Variants in ARHGAP39 observed in about 807,000 individuals in gnomAD.
ARHGAP39 encodes the protein Rho GTPase activating protein 39, also known as rho GTPase-activating protein 39.
In ARHGAP39, 44 loss-of-function variants were observed where a neutral mutation model predicts 106.9. The observed-to-expected ratio is 0.41, with a 90% CI of 0.32 to 0.53. The LOEUF is 0.53. ARHGAP39 is among the 20% of genes least tolerant of loss of function. The pLI is 0.21. For missense variants in ARHGAP39, 1,496 were observed against 1,577.3 expected (o/e 0.95, Z 0.87); for synonymous variants, 768 against 693.2 (o/e 1.11, Z -1.69).
intron 3 of ARHGAP39, among the ~76,000 whole-genome samples, chr8:144,559,321 G>A (rs1818057463): frequency 7.8e-6 from 1 of 128,956 alleles, no homozygotes; most frequent in South Asian, 2.6e-4. Flanking sequence ...AGCCGAGATC[G>A]TGCAAGCCCG....
At chr8:144,618,853 C>A (rs913659555) in intron 1 of ARHGAP39, among the ~76,000 whole-genome samples, 1 of 152,252 alleles carries the variant, frequency 6.6e-6, no homozygotes, top group African/African-American at 2.4e-5. Flanking sequence ...TGAGCAGGAC[C>A]GCGGGCGCAC....
At chr8:144,630,529 C>T (rs1378586083) in intron 1 of ARHGAP39, among the ~76,000 whole-genome samples, 3 of 152,236 alleles carry the variant, frequency 2.0e-5, no homozygotes, top group African/African-American at 7.2e-5. Context: ...CATGGTGTCC[C>T]CTCTGTCCTT....
chr8:144,594,412 C>T lies in ARHGAP39; in HGVS notation c.80+11123G>A, dbSNP rs1185801506. On this transcript the variant is annotated intron_variant, in intron 2 of 11. Transcript: ENST00000377307. ...TGGTTCCTCAAAAAATCAAACATAC[C>T]GGCCAGGCGCAGTGGCTCATGCCTG... 1.3e-5 allele frequency among the ~76,000 whole-genome samples: 2 copies of T among 152,018 alleles called. 1 individual carries two copies. The highest frequency in any genetic ancestry group is 4.8e-5 in the African/African-American group (2 of 41,386).
At chr8:144,573,545 T>C (rs1297685416) in intron 3 of ARHGAP39, among the ~76,000 whole-genome samples, 4 of 152,160 alleles carry the variant, frequency 2.6e-5, no homozygotes, top group African/African-American at 9.7e-5. Flanking sequence ...ACATGGCACA[T>C]GTATACCTAT....
chr8:144,600,358 ATG>A (rs1819816389), intron 2 of ARHGAP39, among the ~76,000 whole-genome samples: 2 of 94,906 alleles, frequency 2.1e-5, no homozygotes, highest in Non-Finnish European at 4.3e-5. Flanking sequence ...GCGTGGAGGC[ATG>A]CGTGCACACT....
At chr8:144,655,597 A>G (rs1035107748) in intron 1 of ARHGAP39, among the ~76,000 whole-genome samples, 1 of 152,084 alleles carries the variant, frequency 6.6e-6, no homozygotes, top group African/African-American at 2.4e-5. Context: ...CTCTGCTGAA[A>G]ACTGCAGAGA....
intron 1 of ARHGAP39, among the ~76,000 whole-genome samples, chr8:144,676,085 C>T (rs913269856): frequency 6.6e-6 from 1 of 152,158 alleles, no homozygotes; most frequent in Non-Finnish European, 1.5e-5. Flanking sequence ...AGAGTGAGCA[C>T]CAGCAAGATT....
intron 3 of ARHGAP39, among the ~76,000 whole-genome samples, chr8:144,563,591 A>T (rs1818284713): frequency 6.6e-6 from 1 of 151,974 alleles, no homozygotes; most frequent in Non-Finnish European, 1.5e-5. Flanking sequence ...GTTCAAGACC[A>T]GCCTGGAAAG....
At chr8:144,561,622 TCGGACCCCAG>T (rs1253448368) in intron 3 of ARHGAP39, among the ~76,000 whole-genome samples, 65 of 148,708 alleles carry the variant, frequency 4.4e-4, no homozygotes, top group South Asian at 1.9e-3. Flanking sequence ...GTGGTTTCCA[TCGGACCCCAG>T]TGGTTTCCAT....
intron 2 of ARHGAP39, among the ~76,000 whole-genome samples, chr8:144,587,608 G>A (rs1277810007): frequency 6.6e-6 from 1 of 152,048 alleles, no homozygotes; most frequent in African/African-American, 2.4e-5. Flanking sequence ...AGCGGGCAGG[G>A]AAAGGCCTGC....
chr8:144,596,298 C>A lies in ARHGAP39; in HGVS notation c.80+9237G>T, dbSNP rs569648291. Among the ~76,000 whole-genome samples, 112 of 150,670 alleles carry A rather than the reference C, an allele frequency of 7.4e-4. 3 individuals are homozygous for A. Among genetic ancestry groups the A allele is most frequent in the South Asian group, 5.1e-3 (24 of 4,722 alleles). On this transcript the variant is annotated intron_variant, in intron 2 of 11. Transcript: ENST00000377307. ...GGCCTCGCCACCCCGGCACTCTCCA[C>A]CACCCCTCAGTGGGCAGAGGGGACA...
In ARHGAP39 at chr8:144,644,272, T is replaced by C. The variant is rs1821386551; in HGVS notation, c.-81-38577A>G. ...GGCTAAAAGAGCCCTCCAGAAACCCTGGAGAAAGTGTTTTAAAAAACAAAA... is the reference window on the plus strand; with the variant it reads ...GGCTAAAAGAGCCCTCCAGAAACCCCGGAGAAAGTGTTTTAAAAAACAAAA... On this transcript the variant is annotated intron_variant, in intron 1 of 11. Transcript: ENST00000377307. This position sits in a 1 kb window ranked among gnomAD's most constrained non-coding sequence, Gnocchi z 4.8. 6.6e-6 allele frequency among the ~76,000 whole-genome samples: 1 copy of C among 152,006 alleles called. No homozygotes were observed.
At chr8:144,575,190 C>T (rs116167001) in intron 3 of ARHGAP39, among the ~76,000 whole-genome samples, 1,584 of 152,254 alleles carry the variant, frequency 0.01, 27 homozygotes, top group African/African-American at 0.037. Flanking sequence ...TGGCAGTTGC[C>T]GTGCGTGTCG....
rs1822534323 is a variant in ARHGAP39, at chr8:144,684,795, C to T, written c.-82+891G>A. ...GGGGGCAACCGGGAGGGGAAGGCTC[C>T]GAGCGCCGGAGCCCCAGCCCGCGCC... On this transcript the variant is annotated intron_variant, in intron 1 of 11. Transcript: ENST00000377307. The surrounding 1 kb of genome is among the most constrained non-coding windows in gnomAD (Gnocchi z 4.4). Among the ~76,000 whole-genome samples, 1 of 152,292 alleles carries T rather than the reference C, an allele frequency of 6.6e-6. No homozygotes were observed. The highest frequency in any genetic ancestry group is 2.1e-4 in the South Asian group (1 of 4,828).
chr8:144,582,834 C>A (rs2130903556), intron 2 of ARHGAP39, among the ~76,000 whole-genome samples: 1 of 152,308 alleles, frequency 6.6e-6, no homozygotes, highest in Admixed American at 6.5e-5. Flanking sequence ...GATGAGAACT[C>A]CTGAGGCCCG....
Position 144,647,840 on chromosome 8 carries a change from C to T in ARHGAP39, c.-82+37846G>A, listed in dbSNP as rs1316149744. ...AGAACAGTGTTTCCAAGCAAAAGTG[C>T]ACCCATGTGCCAAGTACTGTACATA... On this transcript the variant is annotated intron_variant, in intron 1 of 11. Coordinates refer to ENST00000377307, the MANE Select transcript of ARHGAP39 (RefSeq NM_025251.3). The surrounding 1 kb of genome is among the most constrained non-coding windows in gnomAD (Gnocchi z 4.8). Among the ~76,000 whole-genome samples the T allele has an allele frequency of 6.6e-6, 1 of 152,248 alleles. No homozygotes were observed. Among genetic ancestry groups the T allele is most frequent in the African/African-American group, 2.4e-5 (1 of 41,472 alleles).
intron 2 of ARHGAP39, among the ~76,000 whole-genome samples, chr8:144,603,313 G>C (rs184052819): frequency 1.3e-5 from 2 of 151,880 alleles, no homozygotes; most frequent in African/African-American, 4.8e-5. Flanking sequence ...GTGTGTGTGC[G>C]TGTGCATGTA....
At chr8:144,535,887 A>T (rs928199923) in intron 7 of ARHGAP39, among the ~76,000 whole-genome samples, 3 of 152,234 alleles carry the variant, frequency 2.0e-5, no homozygotes, top group Admixed American at 1.3e-4. Flanking sequence ...AGTGCTCAGC[A>T]GGCAGCTGCC....
At chr8:144,605,409 GA>G (rs1820247061) in intron 2 of ARHGAP39, 125 bp downstream of exon 2, 1 of 1,031,072 alleles carries the variant, frequency 9.7e-7, no homozygotes. Flanking sequence ...CAGGCCTTGG[GA>G]ACAGCCAGCG....
Sources: allele counts gnomAD v4.1 joint callset (sites outside exome capture counted in the v4.1 genomes callset), GRCh38; gene constraint gnomAD v4.1.1; non-coding constraint Gnocchi (gnomAD v3.1); transcripts MANE v1.5; gene names NCBI Gene and HGNC (gene_info 2026-07-23, HGNC 2026-07-21).